MAPK10: variants seen among roughly 807,000 people sequenced by gnomAD.
MAPK10 encodes the protein JNK3 alpha protein kinase.
In MAPK10, 25 loss-of-function variants were observed where a neutral mutation model predicts 59.3. That is an observed-to-expected ratio of 0.42 (90% CI 0.31 to 0.59). The LOEUF (loss-of-function observed/expected upper bound fraction) is 0.59, where lower values mean the gene tolerates loss of function less well. MAPK10 is among the 20% of genes least tolerant of loss of function. The probability of loss-of-function intolerance (pLI) is 0.15; values close to 1 mark genes in which losing one functional copy is unlikely to be tolerated. For synonymous variants in MAPK10, 190 were observed against 200.5 expected (o/e 0.95, Z 0.44); for missense variants, 351 against 568.9 (o/e 0.62, Z 3.90).
chr4:86,115,252 C>T (rs1195805851), intron 4 of MAPK10, among the ~76,000 whole-genome samples: 3 of 152,190 alleles, frequency 2.0e-5, no homozygotes, highest in Non-Finnish European at 4.4e-5. Flanking sequence ...CCAGGCGGGG[C>T]AGCGCAGTCA....
intron 1 of MAPK10, among the ~76,000 whole-genome samples, chr4:86,479,099 C>T (rs1363479133): frequency 6.6e-6 from 1 of 152,128 alleles, no homozygotes; most frequent in East Asian, 1.9e-4. Flanking sequence ...AGGTAGAGGC[C>T]TTTCCCACAG....
intron 9 of MAPK10, chr4:86,079,353 C>CATGTTACATTAATAT (rs1182998842): frequency 6.6e-6 from 1 of 152,128 alleles, no homozygotes; most frequent in Non-Finnish European, 1.5e-5. Context: ...AATGGAGAGA[C>CATGTTACATTAATAT]ATGTAACATA....
chr4:86,107,054 G>A (rs909681457), intron 5 of MAPK10, 169 bp downstream of exon 5: 5 of 477,288 alleles, frequency 1.0e-5, no homozygotes, highest in Non-Finnish European at 1.9e-5. Context: ...TAAGCAGAAA[G>A]CTACCATGAG....
intron 2 of MAPK10, among the ~76,000 whole-genome samples, chr4:86,334,198 C>T (rs1298432117): frequency 6.6e-6 from 1 of 152,160 alleles, no homozygotes; most frequent in Non-Finnish European, 1.5e-5. Context: ...GGCATCCAAG[C>T]CAGAAAGCAA....
At chr4:86,497,475 G>A (rs767632812) in intron 1 of MAPK10, among the ~76,000 whole-genome samples, 6 of 152,164 alleles carry the variant, frequency 3.9e-5, no homozygotes, top group Non-Finnish European at 7.3e-5. Context: ...TAGGACCAAT[G>A]GAGTGCAGCC....
At chr4:86,070,003 A>G (rs541719947) in intron 9 of MAPK10, among the ~76,000 whole-genome samples, 1 of 152,320 alleles carries the variant, frequency 6.6e-6, no homozygotes, top group South Asian at 2.1e-4. Context: ...TTCTTGTAAT[A>G]AATCATAATT....
intron 2 of MAPK10, among the ~76,000 whole-genome samples, chr4:86,266,434 T>C (rs879773074): frequency 6.6e-6 from 1 of 152,172 alleles, no homozygotes; most frequent in African/African-American, 2.4e-5. Flanking sequence ...GGTTAATGCA[T>C]GCAAAACAGA....
chr4:86,256,992 C>T lies in MAPK10; in HGVS notation c.-6-62585G>A, dbSNP rs2093768683. On this transcript the variant is annotated intron_variant, in intron 2 of 13. Transcript: ENST00000641462. ...TGGTCTCGATCTTAACCTCATGATC[C>T]GCCCGCCTCGGCCTATACTCCATTT... Among the ~76,000 whole-genome samples, 2 of 151,552 alleles carry T rather than the reference C, an allele frequency of 1.3e-5. 1 individual carries two copies. Among genetic ancestry groups the T allele is most frequent in the African/African-American group, 4.9e-5 (2 of 41,190 alleles).
chr4:86,121,855 C>A (rs2059308879), intron 4 of MAPK10, among the ~76,000 whole-genome samples: 2 of 152,108 alleles, frequency 1.3e-5, no homozygotes, highest in Non-Finnish European at 2.9e-5. Context: ...TGTGCTTTGA[C>A]AAACATCTCT....
chr4:86,242,290 T>G (rs545990040), intron 2 of MAPK10, among the ~76,000 whole-genome samples: 24 of 152,240 alleles, frequency 1.6e-4, no homozygotes, highest in African/African-American at 5.3e-4. Context: ...TGCTCCCATA[T>G]AGAGTGTCTG....
At chr4:86,106,818 G>C (rs909137737) in intron 5 of MAPK10, 2 of 152,146 alleles carry the variant, frequency 1.3e-5, no homozygotes, top group African/African-American at 4.8e-5. Context: ...AAACTCAACC[G>C]TTGGCAATTA....
At chr4:86,371,525 TA>T (rs1231571761) in intron 1 of MAPK10, among the ~76,000 whole-genome samples, 11 of 152,342 alleles carry the variant, frequency 7.2e-5, no homozygotes, top group Non-Finnish European at 1.2e-4. Flanking sequence ...TGTGCATATC[TA>T]ACTGAAATTT....
chr4:86,264,291 C>T (rs2094135688), intron 2 of MAPK10, among the ~76,000 whole-genome samples: 2 of 152,160 alleles, frequency 1.3e-5, no homozygotes, highest in African/African-American at 2.4e-5. Context: ...ATATCTGGCA[C>T]AGTTGCCATT....
chr4:86,229,506 C>A (rs972521357), intron 2 of MAPK10, among the ~76,000 whole-genome samples: 19 of 152,118 alleles, frequency 1.2e-4, no homozygotes, highest in Admixed American at 8.5e-4. Context: ...GACTCTCTTT[C>A]TTCTAGTACC....
intron 1 of MAPK10, among the ~76,000 whole-genome samples, chr4:86,582,537 C>G (rs1258134950): frequency 6.6e-6 from 1 of 152,194 alleles, no homozygotes; most frequent in African/African-American, 2.4e-5. Context: ...CCTCCCAAAA[C>G]AGGCCTCCTT....
chr4:86,455,812 C>T (rs1579284502), upstream of MAPK10, among the ~76,000 whole-genome samples: 1 of 152,132 alleles, frequency 6.6e-6, no homozygotes, highest in South Asian at 2.1e-4. Context: ...ATAGACTTAA[C>T]AGATATTTAC....
intron 1 of MAPK10, among the ~76,000 whole-genome samples, chr4:86,382,359 C>A (rs1175181513): frequency 6.6e-6 from 1 of 152,140 alleles, no homozygotes; most frequent in African/African-American, 2.4e-5. Context: ...CTCAGAGCAC[C>A]CTTGCCTGGC....
intron 3 of MAPK10, among the ~76,000 whole-genome samples, chr4:86,171,637 T>A (rs2074203215): frequency 6.6e-6 from 1 of 152,166 alleles, no homozygotes; most frequent in Non-Finnish European, 1.5e-5. Flanking sequence ...GGAGAAAACC[T>A]AGGCATTACC....
chr4:86,388,569 G>C (rs2149006960), intron 1 of MAPK10, among the ~76,000 whole-genome samples: 1 of 152,248 alleles, frequency 6.6e-6, no homozygotes, highest in Non-Finnish European at 1.5e-5. Context: ...GTAGCTTGCT[G>C]CTTCTAGAAA....
Sources: gnomAD v4.1 joint callset for allele counts (sites outside exome capture counted in the v4.1 genomes callset) on GRCh38, gnomAD v4.1.1 for gene constraint, MANE v1.5 for transcripts, NCBI Gene and HGNC (gene_info 2026-07-23, HGNC 2026-07-21) for gene names.